TDRD10: variants seen among roughly 807,000 people sequenced by gnomAD.
TDRD10 encodes tudor domain containing 10, also known as tudor domain-containing protein 10.
Under a neutral mutation model 48.0 loss-of-function variants are expected in TDRD10, and 40 were observed. The observed-to-expected ratio is 0.83, with a 90% CI of 0.65 to 1.09. The LOEUF (loss-of-function observed/expected upper bound fraction) is 1.09, where lower values mean the gene tolerates loss of function less well. Among genes scored for constraint, TDRD10 ranks in the 50% least tolerant of loss-of-function variants. The probability of loss-of-function intolerance (pLI) is 0.00; values close to 1 mark genes in which losing one functional copy is unlikely to be tolerated. For synonymous variants in TDRD10, 162 were observed against 170.4 expected (o/e 0.95, Z 0.38); for missense variants, 378 against 434.7 (o/e 0.87, Z 1.16).
intron 6 of TDRD10, among the ~76,000 whole-genome samples, chr1:154,533,380 A>T (rs1229928061): frequency 5.5e-5 from 7 of 128,098 alleles, no homozygotes; most frequent in Admixed American, 8.5e-5. Context: ...TTCTGGACCT[A>T]CTGGTGTTTC....
At chr1:154,519,001 A>C (rs1693916843) in intron 4 of TDRD10, among the ~76,000 whole-genome samples, 1 of 152,244 alleles carries the variant, frequency 6.6e-6, no homozygotes. Context: ...TCTGGAGTTC[A>C]AGTCCTAATT....
In TDRD10 at chr1:154,507,324, A is replaced by T; in HGVS notation, c.82+4A>T. The T allele has an allele frequency of 7.4e-6, 12 of 1,613,968 alleles. No individual in the cohort carries two copies. Among genetic ancestry groups the T allele is most frequent in the Non-Finnish European group, 1.0e-5 (12 of 1,179,982 alleles). On this transcript the variant is annotated splice_donor_region_variant and intron_variant, in intron 3 of 12. Coordinates refer to ENST00000368482, the MANE Select transcript of TDRD10 (RefSeq NM_182499.4). The stretch of plus-strand genomic sequence containing the variant: ...TTGGAGGAGCAGAAATCTCCAGGTA[A>T]GTTAGGCTGGGGGATTCGCTGGTGC...
chr1:154,503,855 T>C (rs1692983369), intron 1 of TDRD10, among the ~76,000 whole-genome samples: 2 of 151,870 alleles, frequency 1.3e-5, no homozygotes, highest in African/African-American at 4.9e-5. Context: ...GTAGTGACAT[T>C]TTTTTAAAGC....
intron 6 of TDRD10, among the ~76,000 whole-genome samples, chr1:154,524,827 C>T (rs1473540044): frequency 6.6e-6 from 1 of 152,176 alleles, no homozygotes; most frequent in Non-Finnish European, 1.5e-5. Flanking sequence ...CCCACCTTCA[C>T]AGCGACTGTT....
In TDRD10 at chr1:154,548,098, G is replaced by A. The variant is rs980560219; in HGVS notation, c.*388G>A. 11 of 251,004 alleles carry A rather than the reference G, an allele frequency of 4.4e-5. No individual in the cohort carries two copies. The highest frequency in any genetic ancestry group is 7.7e-5 in the Non-Finnish European group (10 of 130,004). 15.5% of individuals were successfully genotyped at this position (251,004 alleles called of 1,614,324 possible). On this transcript the variant is annotated 3_prime_UTR_variant, in exon 13 of 13. Transcript: ENST00000368482. ...TTTTCCTGGCATTCCATGTAGAATA[G>A]GTAGAGAATATTTAACCAATGAGCA...
chr1:154,529,188 T>TC (rs1343415858), intron 6 of TDRD10, among the ~76,000 whole-genome samples: 1 of 152,094 alleles, frequency 6.6e-6, no homozygotes, highest in Non-Finnish European at 1.5e-5. Flanking sequence ...CAAGCAATTC[T>TC]CCTGCCTCAG....
chr1:154,515,195 G>A (rs1693694466), intron 4 of TDRD10, among the ~76,000 whole-genome samples: 2 of 151,854 alleles, frequency 1.3e-5, no homozygotes, highest in African/African-American at 2.4e-5. Flanking sequence ...ACAGGATTTC[G>A]CCATGTTGCT....
intron 6 of TDRD10, among the ~76,000 whole-genome samples, chr1:154,541,661 CT>C (rs772898398): frequency 5.9e-5 from 9 of 152,302 alleles, no homozygotes; most frequent in Non-Finnish European, 1.3e-4. Flanking sequence ...GCTACTACTT[CT>C]TTTCCTCCCT....
At chr1:154,527,972 A>T (rs1438590248) in intron 6 of TDRD10, among the ~76,000 whole-genome samples, 5 of 152,360 alleles carry the variant, frequency 3.3e-5, no homozygotes, top group South Asian at 4.1e-4. Flanking sequence ...TCTTACAAAA[A>T]CTATCACAAC....
intron 6 of TDRD10, among the ~76,000 whole-genome samples, chr1:154,529,330 T>C (rs1475709364): frequency 2.0e-5 from 3 of 152,134 alleles, no homozygotes; most frequent in Admixed American, 6.6e-5. Context: ...CATCTCAGCC[T>C]CCCAAAGTGC....
chr1:154,503,959 C>A (rs1485285828), intron 1 of TDRD10, among the ~76,000 whole-genome samples: 2 of 152,182 alleles, frequency 1.3e-5, no homozygotes, highest in Non-Finnish European at 2.9e-5. Flanking sequence ...TACAGTACAA[C>A]CATCGCAACA....
chr1:154,525,794 C>G (rs1445163509), intron 6 of TDRD10, among the ~76,000 whole-genome samples: 1 of 148,012 alleles, frequency 6.8e-6, no homozygotes, highest in Admixed American at 6.9e-5. Flanking sequence ...ACTTGGGAGG[C>G]TGAGGCAGGG....
intron 4 of TDRD10, among the ~76,000 whole-genome samples, chr1:154,510,784 C>A (rs902631820): frequency 6.6e-6 from 1 of 151,150 alleles, no homozygotes; most frequent in Non-Finnish European, 1.5e-5. Flanking sequence ...CGGTGGCTCA[C>A]GCCTGTAATT....
chr1:154,547,784 C>T lies in TDRD10; in HGVS notation c.*74C>T. The T allele has an allele frequency of 1.3e-6, 2 of 1,578,082 alleles. No homozygotes were observed. The highest frequency in any genetic ancestry group is 1.1e-5 in the South Asian group (1 of 90,218). On this transcript the variant is annotated 3_prime_UTR_variant, in exon 13 of 13. Transcript: ENST00000368482. The stretch of plus-strand genomic sequence containing the variant: ...GGCCACCTGCCCTGTCTTCTCGTAC[C>T]CCTTTCACTCTTGAGGCCTGGGAGG...
rs563453579 is a variant in TDRD10, at chr1:154,544,432, C to T, written c.712C>T (p.Pro238Ser). The change falls in exon 10 of 13, where the codon CCC becomes TCC. Residue 238 changes from proline to serine, a missense_variant. Pro to Ser is a moderately conservative substitution (Grantham distance 74). This residue lies in a region of TDRD10 where 310 missense variants were observed against 323.6 expected (regional missense o/e 0.96). Transcript: ENST00000368482. ...CCTGGCTCAGGCGGAGGAGCAGCAG[C>T]CCTACCTGGAGGGCTCCACCGTTAT... Reference protein sequence around the residue: ...STLAQAEEQQPYLEGSTVMRG... With the variant: ...STLAQAEEQQSYLEGSTVMRG... 2 of 1,609,670 alleles carry T rather than the reference C, an allele frequency of 1.2e-6. No individual in the cohort carries two copies. The highest frequency in any genetic ancestry group is 1.7e-6 in the Non-Finnish European group (2 of 1,178,500).
intron 4 of TDRD10, 121 bp downstream of exon 4, chr1:154,508,602 A>G (rs2149312243): frequency 2.7e-6 from 2 of 727,504 alleles, no homozygotes; most frequent in South Asian, 3.1e-5. Context: ...TAGTGCAGAC[A>G]GTCACTCGTT....
At chr1:154,545,192 C>T (rs987840279) in intron 11 of TDRD10, among the ~76,000 whole-genome samples, 7 of 152,210 alleles carry the variant, frequency 4.6e-5, no homozygotes, top group African/African-American at 1.7e-4. Context: ...AGGCTGAGTT[C>T]TCTGGAAGGG....
chr1:154,545,902 A>G (rs1352319809), intron 11 of TDRD10, among the ~76,000 whole-genome samples: 12 of 132,590 alleles, frequency 9.1e-5, no homozygotes, highest in African/African-American at 3.7e-4. Flanking sequence ...TCCCAATTAC[A>G]GGCACGCACC....
Position 154,547,824 on chromosome 1 carries a change from C to T in TDRD10, c.*114C>T. 1 of 1,328,840 alleles carries T rather than the reference C, an allele frequency of 7.5e-7. No homozygotes were observed. Among genetic ancestry groups the T allele is most frequent in the Non-Finnish European group, 1.1e-6 (1 of 932,314 alleles). 82.3% of individuals were successfully genotyped at this position (1,328,840 alleles called of 1,614,324 possible). On this transcript the variant is annotated 3_prime_UTR_variant, in exon 13 of 13. Coordinates refer to ENST00000368482, the MANE Select transcript of TDRD10 (RefSeq NM_182499.4). ...GGCCTGGGAGGTGAAAAAGGCCAGA[C>T]TGTGCCCAGGATTGATTCAATTTTG...
Sources: allele counts gnomAD v4.1 joint callset (sites outside exome capture counted in the v4.1 genomes callset), GRCh38; gene constraint gnomAD v4.1.1; regional missense constraint gnomAD v4.1.1; transcripts MANE v1.5; gene names NCBI Gene and HGNC (gene_info 2026-07-23, HGNC 2026-07-21).